The following AP1B1 variants were observed in gnomAD, a reference collection of about 807,000 sequenced individuals.
The protein encoded by AP1B1 is adaptor related protein complex 1 subunit beta 1, also known as AP-1 complex subunit beta-1.
Under a neutral mutation model 104.3 loss-of-function variants are expected in AP1B1, and 36 were observed. The ratio of observed to expected loss-of-function variants is 0.35; its 90% CI spans 0.26 to 0.46. The LOEUF is 0.46. AP1B1 is among the 20% of genes least tolerant of loss of function. AP1B1 has a pLI of 1.00. For missense variants in AP1B1, 901 were observed against 1,247.9 expected, an observed-to-expected ratio of 0.72 and a Z score of 4.19; for synonymous variants, 504 against 517.5, an observed-to-expected ratio of 0.97 and a Z score of 0.35.
chr22:29,362,950 C>A (rs1265189177), intron 3 of AP1B1, 51 bp downstream of exon 3: 41 of 1,320,322 alleles, frequency 3.1e-5, no homozygotes, highest in Non-Finnish European at 4.5e-5. Flanking sequence ...AAGCTATAAA[C>A]CCTCCCCTGT....
At chr22:29,330,148 C>T (rs1423296028) in intron 21 of AP1B1, 2 of 1,428,728 alleles carry the variant, frequency 1.4e-6, no homozygotes, top group Non-Finnish European at 9.2e-7. Flanking sequence ...CAATTTTACA[C>T]AATCTTCTAG....
chr22:29,343,982 G>C (rs559494184), intron 11 of AP1B1, among the ~76,000 whole-genome samples: 1 of 151,990 alleles, frequency 6.6e-6, no homozygotes, highest in South Asian at 2.1e-4. Flanking sequence ...CTGGTGGCAG[G>C]TACCTGTAAT....
chr22:29,333,866 C>A (rs1000449335), intron 17 of AP1B1, among the ~76,000 whole-genome samples: 3 of 151,600 alleles, frequency 2.0e-5, no homozygotes, highest in African/African-American at 7.3e-5. Context: ...GAGTTCGAGA[C>A]CAGCCTGGGC....
chr22:29,355,410 G>A (rs926081918), intron 6 of AP1B1, among the ~76,000 whole-genome samples: 3 of 152,068 alleles, frequency 2.0e-5, no homozygotes, highest in Non-Finnish European at 2.9e-5. Flanking sequence ...GCAGTGAGCT[G>A]AGACTGTGAC....
At position 29,358,945 on chromosome 22, in the gene AP1B1, G is replaced by A. The variant is rs1363755555; in HGVS notation, c.306C>T (p.Ile102=). 1 of 1,611,762 alleles carries A rather than the reference G, an allele frequency of 6.2e-7. No individual in the cohort carries two copies. ...VKDCEDPNPL[I]RALAVRTMGC... is the part of the protein sequence containing the mutation. ...CCATGGTCCGCACTGCCAGGGCTCG[G>A]ATGAGGGGGTTGGGGTCCTCACAGT... Residue 102 remains isoleucine, a synonymous_variant, in exon 5 of 23, where the codon ATC becomes ATT. Transcript: ENST00000357586.
At chr22:29,353,975 C>T (rs1050916753) in intron 7 of AP1B1, among the ~76,000 whole-genome samples, 3 of 152,284 alleles carry the variant, frequency 2.0e-5, no homozygotes, top group East Asian at 3.9e-4. Flanking sequence ...TGCCATGAAC[C>T]CCTCCGATCC....
rs1312094800 is a variant in AP1B1, at chr22:29,349,317, A to T, written c.1338T>A (p.Ala446=). The change falls in exon 11 of 23, where the codon GCT becomes GCA. Residue 446 remains alanine (A), a synonymous_variant. Coordinates refer to ENST00000357586, the MANE Select transcript of AP1B1 (RefSeq NM_001127.4). ...LDSLDEPEAR[A]AMIWIVGEYA... is the part of the protein sequence containing the mutation. ...ACTCGCCCACAATCCAGATCATGGC[A>T]GCCCGGGCCTCAGGCTCATCCAGGG... 2 of 1,614,036 alleles carry T rather than the reference A, an allele frequency of 1.2e-6. No homozygotes were observed. The highest frequency in any genetic ancestry group is 1.7e-6 in the Non-Finnish European group (2 of 1,180,040).
At chr22:29,329,308 C>A in intron 22 of AP1B1, 5 of 1,169,706 alleles carry the variant, frequency 4.3e-6, no homozygotes, top group Non-Finnish European at 5.3e-6. Flanking sequence ...TGGAGGGGTG[C>A]TGGGCTCATT....
At chr22:29,333,464 C>T (rs904210688) in intron 17 of AP1B1, among the ~76,000 whole-genome samples, 3 of 152,326 alleles carry the variant, frequency 2.0e-5, no homozygotes, top group Middle Eastern at 3.4e-3. Flanking sequence ...CTAAGATGGG[C>T]CCCTCCTATG....
At chr22:29,345,403 G>A (rs1055554607) in intron 11 of AP1B1, among the ~76,000 whole-genome samples, 8 of 140,750 alleles carry the variant, frequency 5.7e-5, no homozygotes, top group Non-Finnish European at 1.1e-4. Flanking sequence ...ATGGAGTCTC[G>A]GTCTGTTGCC....
rs1466966971 is a variant in AP1B1 at position 29,328,401 on chromosome 22, T to A, written c.*420A>T. On this transcript the variant is annotated 3_prime_UTR_variant, in exon 23 of 23. Transcript: ENST00000357586. This position sits in a 1 kb window ranked among gnomAD's most constrained non-coding sequence, Gnocchi z 4.1. ...CCCCTCCCTGCACACCCAGGCCAGG[T>A]TGGCAGGGTCCATCCCATGAGAGGT... 6.0e-6 allele frequency: 1 copy of A among 167,676 alleles called. No individual in the cohort carries two copies. The highest frequency in any genetic ancestry group is 5.9e-5 in the Admixed American group (1 of 16,870). 10.4% of individuals were successfully genotyped at this position (167,676 alleles called of 1,614,324 possible).
chr22:29,343,112 A>C (rs968173203), intron 11 of AP1B1, among the ~76,000 whole-genome samples: 8 of 152,258 alleles, frequency 5.3e-5, no homozygotes, highest in African/African-American at 1.9e-4. Flanking sequence ...CCTGGTGTAT[A>C]GCAGGCACTT....
At chr22:29,362,550 T>C (rs2062067025) in intron 3 of AP1B1, among the ~76,000 whole-genome samples, 1 of 152,084 alleles carries the variant, frequency 6.6e-6, no homozygotes, top group Non-Finnish European at 1.5e-5. Flanking sequence ...TATCACCATA[T>C]TGGCCAGGCT....
At chr22:29,376,744 C>T (rs764583141) in intron 1 of AP1B1, among the ~76,000 whole-genome samples, 8 of 152,130 alleles carry the variant, frequency 5.3e-5, no homozygotes, top group Non-Finnish European at 8.8e-5. Context: ...TGTTTTGCTG[C>T]TTTGGTTCTG....
intron 7 of AP1B1, among the ~76,000 whole-genome samples, chr22:29,352,815 T>C (rs988126155): frequency 1.3e-5 from 2 of 152,116 alleles, no homozygotes; most frequent in African/African-American, 4.8e-5. Flanking sequence ...GTACTGCTAG[T>C]GAAACCTGAG....
In AP1B1 at chr22:29,349,262, G is replaced by A. The variant is rs1329797494; in HGVS notation, c.1393C>T (p.Leu465=). 1 of 1,613,898 alleles carries A rather than the reference G, an allele frequency of 6.2e-7. No individual in the cohort carries two copies. Among genetic ancestry groups the A allele is most frequent in the Admixed American group, 1.7e-5 (1 of 60,026 alleles). ...AAGCCCTCGAGGAAGCTCTCCAGCA[G>A]CTCATCTGCGTTGTCGATCCGTTCC... ...YAERIDNADE[L]LESFLEGFHD... The change falls in exon 11 of 23, where the codon CTG becomes TTG. Residue 465 remains leucine, a synonymous_variant. Transcript: ENST00000357586.
chr22:29,332,100 C>G (rs1295663979), intron 17 of AP1B1, 184 bp from the exon 18 acceptor site: 16 of 590,376 alleles, frequency 2.7e-5, no homozygotes, highest in Non-Finnish European at 4.3e-5. Context: ...AGATGGCCAT[C>G]TGGACAGAAA....
chr22:29,356,711 TC>T, intron 5 of AP1B1, 95 bp from the exon 6 acceptor site: 1 of 1,221,970 alleles, frequency 8.2e-7, no homozygotes, highest in Non-Finnish European at 1.2e-6. Flanking sequence ...AGGTCAAATA[TC>T]CTGAAAGGAA....
At chr22:29,338,577 C>A (rs574975342) in intron 16 of AP1B1, among the ~76,000 whole-genome samples, 2 of 152,308 alleles carry the variant, frequency 1.3e-5, no homozygotes, top group Non-Finnish European at 2.9e-5. Context: ...CACAGCCCAC[C>A]AATTGCATTT....
Sources: allele counts gnomAD v4.1 joint callset (sites outside exome capture counted in the v4.1 genomes callset), GRCh38; gene constraint gnomAD v4.1.1; non-coding constraint Gnocchi (gnomAD v3.1); transcripts MANE v1.5; gene names NCBI Gene and HGNC (gene_info 2026-07-23, HGNC 2026-07-21).